The following CCDC148 variants were observed in gnomAD, a reference collection of about 807,000 sequenced individuals.
The protein encoded by CCDC148 is coiled-coil domain-containing protein 148.
Under a neutral mutation model 85.7 loss-of-function variants are expected in CCDC148, and 89 were observed. The observed-to-expected ratio is 1.04, with a 90% CI of 0.87 to 1.24. The LOEUF (loss-of-function observed/expected upper bound fraction) is 1.24, where lower values mean the gene tolerates loss of function less well. Ranked by LOEUF, CCDC148 falls within the 50% of genes most tolerant of loss-of-function variation. The pLI is 0.00. For synonymous variants in CCDC148, 230 were observed against 213.9 expected, an observed-to-expected ratio of 1.08 and a Z score of -0.66; for missense variants, 692 against 671.7, an observed-to-expected ratio of 1.03 and a Z score of -0.33.
intron 9 of CCDC148, among the ~76,000 whole-genome samples, chr2:158,256,774 T>G (rs1689028492): frequency 1.3e-5 from 2 of 151,770 alleles, no homozygotes; most frequent in African/African-American, 4.8e-5. Flanking sequence ...AAGTCTTGGC[T>G]CAGATGCCAT....
intron 1 of CCDC148, among the ~76,000 whole-genome samples, chr2:158,419,014 A>G: frequency 6.6e-6 from 1 of 152,124 alleles, no homozygotes; most frequent in East Asian, 1.9e-4. Flanking sequence ...TGTATTTCAT[A>G]ATTAGAGAAG....
At position 158,351,909 on chromosome 2, in the gene CCDC148, T is replaced by TCCCTGAC. The variant is rs1160259588; in HGVS notation, c.147+6533_147+6539dup. 2.1e-4 allele frequency among the ~76,000 whole-genome samples: 31 copies of TCCCTGAC among 147,500 alleles called. No individual in the cohort carries two copies. The East Asian group carries it at 4.9e-3, about 23-fold the overall frequency. On this transcript the variant is annotated intron_variant, in intron 2 of 13. Coordinates refer to ENST00000283233, the MANE Select transcript of CCDC148 (RefSeq NM_138803.4). ...CGGGCAGACTGCCTCCTCAAGTGGG[T>TCCCTGAC]CCCTGACCCCTGACCCCTGAGCAGC... is the stretch of plus-strand genomic sequence containing the variant.
At chr2:158,323,431 T>C (rs1052448522) in intron 7 of CCDC148, among the ~76,000 whole-genome samples, 17 of 152,332 alleles carry the variant, frequency 1.1e-4, no homozygotes, top group Middle Eastern at 3.4e-3. Context: ...CACCTTGTTC[T>C]TTTTACATTT....
chr2:158,420,594 A>C (rs1416260851), intron 1 of CCDC148, among the ~76,000 whole-genome samples: 2 of 152,212 alleles, frequency 1.3e-5, no homozygotes, highest in African/African-American at 4.8e-5. Flanking sequence ...GAAGCATTAA[A>C]CATGGAAAAG....
chr2:158,327,619 A>T (rs1692847222), intron 7 of CCDC148, among the ~76,000 whole-genome samples: 1 of 152,184 alleles, frequency 6.6e-6, no homozygotes, highest in African/African-American at 2.4e-5. Context: ...TAAAATGCTT[A>T]ATATAACACA....
chr2:158,446,136 C>T (rs1688147850), intron 1 of CCDC148, among the ~76,000 whole-genome samples: 2 of 152,104 alleles, frequency 1.3e-5, no homozygotes, highest in South Asian at 4.1e-4. Flanking sequence ...TCATTTGAGG[C>T]TAGGGGTTTA....
chr2:158,264,805 T>C (rs1689385684), intron 9 of CCDC148, among the ~76,000 whole-genome samples: 1 of 152,142 alleles, frequency 6.6e-6, no homozygotes, highest in African/African-American at 2.4e-5. Context: ...TTACAATACG[T>C]TCGTGGAAAT....
In CCDC148 at chr2:158,356,486, A is replaced by T. The variant is rs1055897344; in HGVS notation, c.147+1963T>A. ...CCAAAAAACACATGAAAAAATGCTC[A>T]TCATCACTGGCCATCAGAGAAATGC... is the stretch of plus-strand genomic sequence containing the variant. On this transcript the variant is annotated intron_variant, in intron 2 of 13. Transcript: ENST00000283233. Among the ~76,000 whole-genome samples, 591 of 152,110 alleles carry T rather than the reference A, an allele frequency of 3.9e-3. 3 individuals carry two copies. The highest frequency in any genetic ancestry group is 0.013 in the African/African-American group (551 of 41,504).
At chr2:158,261,431 G>A (rs1251182141) in intron 9 of CCDC148, among the ~76,000 whole-genome samples, 1 of 151,994 alleles carries the variant, frequency 6.6e-6, no homozygotes, top group African/African-American at 2.4e-5. Context: ...AGACAACCTA[G>A]GCAATACCAT....
At chr2:158,414,052 G>A (rs1387526837) in intron 1 of CCDC148, among the ~76,000 whole-genome samples, 1 of 152,184 alleles carries the variant, frequency 6.6e-6, no homozygotes, top group East Asian at 1.9e-4. Flanking sequence ...ATCAATAAAG[G>A]TCGAGCTCTC....
rs745816110 is a variant in CCDC148, at chr2:158,313,846, C to CA, written c.812dup (p.Leu271PhefsTer28). 5.0e-6 allele frequency: 8 copies of CA among 1,613,548 alleles called. No individual in the cohort carries two copies. Among genetic ancestry groups the CA allele is most frequent in the Non-Finnish European group, 6.8e-6 (8 of 1,179,824 alleles). On this transcript the variant is annotated frameshift_variant, in exon 8 of 14. Transcript: ENST00000283233. LOFTEE classifies it high-confidence loss of function. ...CAAAGAGATCTCCAGGGTACTGATC[C>CA]AAAATAGCCTGGTAAATCCAGTGGT...
At chr2:158,435,847 CTT>C (rs764105982) in intron 1 of CCDC148, among the ~76,000 whole-genome samples, 2 of 152,150 alleles carry the variant, frequency 1.3e-5, no homozygotes, top group Non-Finnish European at 2.9e-5. Context: ...ATAAAACAGA[CTT>C]TGAACCGACA....
At chr2:158,287,116 C>T (rs1368872554) in intron 9 of CCDC148, among the ~76,000 whole-genome samples, 1 of 152,090 alleles carries the variant, frequency 6.6e-6, no homozygotes, top group Non-Finnish European at 1.5e-5. Context: ...TCTTGTGAGA[C>T]TTATTCACCA....
At chr2:158,249,925 T>C (rs551603637) in intron 10 of CCDC148, among the ~76,000 whole-genome samples, 3 of 152,238 alleles carry the variant, frequency 2.0e-5, no homozygotes, top group Non-Finnish European at 4.4e-5. Context: ...TTACACCATA[T>C]AGATCAAGTC....
At chr2:158,246,684 CAA>C (rs1218408781) in intron 10 of CCDC148, among the ~76,000 whole-genome samples, 1 of 152,134 alleles carries the variant, frequency 6.6e-6, no homozygotes, top group Non-Finnish European at 1.5e-5. Context: ...AAAAATAGCA[CAA>C]AGTCACATAG....
chr2:158,343,373 T>C (rs985198728), intron 3 of CCDC148, among the ~76,000 whole-genome samples: 2 of 152,186 alleles, frequency 1.3e-5, no homozygotes, highest in African/African-American at 4.8e-5. Context: ...ACTTTCATCA[T>C]CTGAGACTCA....
At chr2:158,422,017 C>A (rs1047682229) in intron 1 of CCDC148, among the ~76,000 whole-genome samples, 11 of 152,138 alleles carry the variant, frequency 7.2e-5, no homozygotes, top group African/African-American at 2.7e-4. Context: ...TGGACACATA[C>A]AACCTCCGAA....
intron 5 of CCDC148, 76 bp downstream of exon 5, chr2:158,340,166 G>C: frequency 7.5e-7 from 1 of 1,338,746 alleles, no homozygotes; most frequent in Non-Finnish European, 1.0e-6. Context: ...ACACATGTTT[G>C]TTTCTTATCT....
At chr2:158,407,464 C>T (rs555003538) in intron 1 of CCDC148, among the ~76,000 whole-genome samples, 1 of 152,238 alleles carries the variant, frequency 6.6e-6, no homozygotes, top group Admixed American at 6.5e-5. Flanking sequence ...TACATAGCTT[C>T]TCCAAAACTG....
Sources: allele counts gnomAD v4.1 joint callset (sites outside exome capture counted in the v4.1 genomes callset), GRCh38; gene constraint gnomAD v4.1.1; transcripts MANE v1.5; gene names NCBI Gene and HGNC (gene_info 2026-07-23, HGNC 2026-07-21).